RBSN: variants seen among roughly 807,000 people sequenced by gnomAD.
The protein encoded by RBSN is rabenosyn, RAB effector.
A neutral mutation model predicts 60.5 loss-of-function variants in RBSN; 34 were observed. That is an observed-to-expected ratio of 0.56 (90% confidence interval 0.43 to 0.75). The LOEUF (loss-of-function observed/expected upper bound fraction) is 0.75, where lower values mean the gene tolerates loss of function less well. Among genes scored for constraint, RBSN ranks in the 30% least tolerant of loss-of-function variants. The pLI, the probability that RBSN is intolerant of heterozygous loss-of-function variation, is 0.00. For synonymous variants in RBSN, 322 were observed against 366.9 expected, an observed-to-expected ratio of 0.88 and a Z score of 1.40; for missense variants, 845 against 986.8, an observed-to-expected ratio of 0.86 and a Z score of 1.92.
rs1163783902 is a variant in RBSN at position 15,096,044 on chromosome 3, A to T, written c.77T>A (p.Phe26Tyr). The stretch of plus-strand genomic sequence containing the variant: ...CTCGTAATGTGAGTGAAGCTGATAG[A>T]AAGACTGCAGATCCTTCAGGCACAG... Reference protein sequence around the residue: ...CPLCLKDLQSFYQLHSHYEEE... With the variant: ...CPLCLKDLQSYYQLHSHYEEE... The change falls in exon 4 of 14, where the codon TTC (phenylalanine) becomes TAC (tyrosine). Residue 26 changes from phenylalanine to tyrosine, a missense_variant. By Grantham distance (22) the Phe-to-Tyr change is conservative. Coordinates refer to ENST00000253699, the MANE Select transcript of RBSN (RefSeq NM_022340.4). The T allele has an allele frequency of 6.2e-7, 1 of 1,614,112 alleles. No individual in the cohort carries two copies. Among genetic ancestry groups the T allele is most frequent in the East Asian group, 2.2e-5 (1 of 44,878 alleles).
chr3:15,074,453 T>C lies in RBSN; in HGVS notation c.1684A>G (p.Ser562Gly). 1.9e-6 allele frequency: 3 copies of C among 1,614,200 alleles called. No homozygotes were observed. The highest frequency in any genetic ancestry group is 2.5e-6 in the Non-Finnish European group (3 of 1,180,014). ...REIGPFQLEP[S>G]REPRTHLAYA... ...GCAAGGTGGGTGCGAGGCTCTCTGCTGGGCTCCAGCTGAAAAGGGCCGATT... is the reference window on the plus strand; with the variant it reads ...GCAAGGTGGGTGCGAGGCTCTCTGCCGGGCTCCAGCTGAAAAGGGCCGATT... The change falls in exon 14 of 14, where the codon AGC (serine) becomes GGC (glycine). Residue 562 changes from serine (S) to glycine (G), a missense_variant. Ser to Gly is a moderately conservative substitution (Grantham distance 56). Coordinates refer to ENST00000253699, the MANE Select transcript of RBSN (RefSeq NM_022340.4). The surrounding 1 kb of genome is among the most constrained non-coding windows in gnomAD (Gnocchi z 6.4).
chr3:15,090,391 T>C lies in RBSN; in HGVS notation c.289+8A>G. 2 of 1,611,362 alleles carry C rather than the reference T, an allele frequency of 1.2e-6. No individual in the cohort carries two copies. Among genetic ancestry groups the C allele is most frequent in the Non-Finnish European group, 1.7e-6 (2 of 1,179,262 alleles). On this transcript the variant is annotated splice_region_variant and intron_variant, in intron 5 of 13. Transcript: ENST00000253699. ...CCACTTGCTGAATGAATAAATGAAT[T>C]TTCTTACCAAGCTCCTGGGGTTCCC...
At position 15,073,983 on chromosome 3, in the gene RBSN, G is replaced by A. The variant is rs561105733; in HGVS notation, c.2154C>T (p.Asn718=). The change falls in exon 14 of 14, where the codon AAC becomes AAT. Residue 718 remains asparagine, a synonymous_variant. Transcript: ENST00000253699. ...CACTGTCACTGTCCATCTCAAAGGG[G>A]TTGATACAGGTGGGTTCCTCAAAGG... ...GNPFEEPTCI[N]PFEMDSDSGP... 11 of 1,614,070 alleles carry A rather than the reference G, an allele frequency of 6.8e-6. No homozygotes were observed. Among genetic ancestry groups the A allele is most frequent in the Admixed American group, 3.3e-5 (2 of 60,012 alleles).
intron 4 of RBSN, chr3:15,091,578 C>T (rs2043517843): frequency 9.3e-7 from 1 of 1,076,972 alleles, no homozygotes; most frequent in African/African-American, 1.6e-5. Flanking sequence ...GTACCAGGTA[C>T]AACGCAAAGT....
At chr3:15,080,089 A>T (rs1319383901) in intron 10 of RBSN, among the ~76,000 whole-genome samples, 2 of 152,018 alleles carry the variant, frequency 1.3e-5, no homozygotes, top group African/African-American at 4.8e-5. Flanking sequence ...CTAAAAATAT[A>T]AAAAAATTAG....
Position 15,090,485 on chromosome 3 carries a change from T to C in RBSN, c.203A>G (p.Asp68Gly), listed in dbSNP as rs1167747777. 3 of 1,614,080 alleles carry C rather than the reference T, an allele frequency of 1.9e-6. No individual in the cohort carries two copies. The highest frequency in any genetic ancestry group is 1.7e-5 in the Admixed American group (1 of 59,998). ...TTGGGTCCCTGACTCTGCTCGATCA[T>C]CCCCTTCTCGTTTCAACAACCTGTC... Reference protein sequence around the residue: ...AKDRLLKREGDDRAESGTQGY... With the variant: ...AKDRLLKREGGDRAESGTQGY... The change falls in exon 5 of 14, where the codon GAT (aspartate) becomes GGT (glycine). Residue 68 changes from aspartate (D) to glycine (G), a missense_variant. Transcript: ENST00000253699.
intron 12 of RBSN, 75 bp from the exon 13 acceptor site, chr3:15,075,785 G>A: frequency 1.6e-6 from 2 of 1,218,800 alleles, no homozygotes; most frequent in Non-Finnish European, 2.4e-6. Flanking sequence ...CATGATGAGA[G>A]TCTGCTTAAG....
intron 8 of RBSN, among the ~76,000 whole-genome samples, chr3:15,083,163 C>T (rs1428947289): frequency 6.6e-6 from 1 of 152,146 alleles, no homozygotes; most frequent in African/African-American, 2.4e-5. Context: ...AGCAGGGCCA[C>T]CCCACAGCAG....
chr3:15,070,105 G>T lies in RBSN; in HGVS notation c.*3677C>A, dbSNP rs532502398. 6.6e-6 allele frequency: 1 copy of T among 152,404 alleles called. No individual in the cohort carries two copies. The highest frequency in any genetic ancestry group is 1.9e-4 in the East Asian group (1 of 5,184). 9.4% of individuals were successfully genotyped at this position (152,404 alleles called of 1,614,324 possible). ...TCAGATTTTATTTTTTTTAAAAAAG[G>T]CTCCAATACAAGGCCCCAGAGTAGT... On this transcript the variant is annotated 3_prime_UTR_variant, in exon 14 of 14. Transcript: ENST00000253699.
rs1265532350 is a variant in RBSN at position 15,077,673 on chromosome 3, A to C, written c.998+402T>G. Among the ~76,000 whole-genome samples, 1 of 152,198 alleles carries C rather than the reference A, an allele frequency of 6.6e-6. No individual in the cohort carries two copies. Among genetic ancestry groups the C allele is most frequent in the African/African-American group, 2.4e-5 (1 of 41,460 alleles). ...TTAAAAAGCAGCTGTGGACTTGAGC[A>C]CAGACACAAAGAAAGAACCTGAGTT... On this transcript the variant is annotated intron_variant, in intron 11 of 13. Coordinates refer to ENST00000253699, the MANE Select transcript of RBSN (RefSeq NM_022340.4). The surrounding 1 kb of genome is among the most constrained non-coding windows in gnomAD (Gnocchi z 4.4).
chr3:15,074,195 C>T lies in RBSN; in HGVS notation c.1942G>A (p.Gly648Arg), dbSNP rs1188335148. 1.2e-6 allele frequency: 2 copies of T among 1,610,746 alleles called. No homozygotes were observed. Among genetic ancestry groups the T allele is most frequent in the Non-Finnish European group, 1.7e-6 (2 of 1,178,104 alleles). ...EEATTGPPAA[G>R]VSLDPSARIL... ...CGGGCTGAAGGGTCTAAGGAAACCC[C>T]TGCAGCAGGAGGACCAGTAGTGGCC... is the stretch of plus-strand genomic sequence containing the variant. The change falls in exon 14 of 14, where the codon GGG (glycine) becomes AGG (arginine). Residue 648 changes from glycine to arginine, a missense_variant. Gly to Arg is a moderately radical substitution (Grantham distance 125). Coordinates refer to ENST00000253699, the MANE Select transcript of RBSN (RefSeq NM_022340.4). The surrounding 1 kb of genome is among the most constrained non-coding windows in gnomAD (Gnocchi z 6.4).
rs9851219 is a variant in RBSN, at chr3:15,074,216, T to C, written c.1921A>G (p.Thr641Ala). Residue 641 changes from threonine to alanine, a missense_variant, in exon 14 of 14, where the codon ACT becomes GCT. Coordinates refer to ENST00000253699, the MANE Select transcript of RBSN (RefSeq NM_022340.4). The surrounding 1 kb of genome is among the most constrained non-coding windows in gnomAD (Gnocchi z 6.4). ...EDLSSPMEEA[T>A]TGPPAAGVSL... is the part of the protein sequence containing the mutation. ...ACCCCTGCAGCAGGAGGACCAGTAG[T>C]GGCCTCTTCCATGGGGCTGGAGAGG... The C allele has an allele frequency of 0.052, 83,744 of 1,609,008 alleles. 2,571 individuals carry two copies. Among genetic ancestry groups the C allele is most frequent in the East Asian group, 0.1 (4,542 of 44,806 alleles).
chr3:15,086,043 T>A, intron 5 of RBSN, 82 bp from the exon 6 acceptor site: 1 of 1,041,420 alleles, frequency 9.6e-7, no homozygotes, highest in Non-Finnish European at 1.4e-6. Flanking sequence ...CTTATCCCAG[T>A]GAATTTCAAA....
At chr3:15,088,632 G>A (rs1055794144) in intron 5 of RBSN, among the ~76,000 whole-genome samples, 1 of 151,918 alleles carries the variant, frequency 6.6e-6, no homozygotes, top group African/African-American at 2.4e-5. Flanking sequence ...CAGCTGCCTC[G>A]ACCTCCCAAA....
Position 15,089,552 on chromosome 3 carries a change from G to A in RBSN, c.289+847C>T, listed in dbSNP as rs545423818. Among the ~76,000 whole-genome samples the A allele has an allele frequency of 7.7e-4, 113 of 147,234 alleles. 1 individual carries two copies. The highest frequency in any genetic ancestry group is 7.4e-3 in the Middle Eastern group (2 of 270). The stretch of plus-strand genomic sequence containing the variant: ...CTGGCATGATAAATAGCTTTATTGA[G>A]ATATAATTCACATACATACACCATT... On this transcript the variant is annotated intron_variant, in intron 5 of 13. Transcript: ENST00000253699.
At chr3:15,090,091 T>A (rs1291829810) in intron 5 of RBSN, among the ~76,000 whole-genome samples, 1 of 152,194 alleles carries the variant, frequency 6.6e-6, no homozygotes, top group Admixed American at 6.5e-5. Context: ...TGGGCTGACG[T>A]CAGAGAGATA....
At chr3:15,091,246 ATACCTC>A in intron 4 of RBSN, 27 of 445,542 alleles carry the variant, frequency 6.1e-5, no homozygotes, top group East Asian at 1.6e-4. Context: ...AATTAAAACT[ATACCTC>A]AGTTAAAATA....
intron 4 of RBSN, chr3:15,091,614 A>G: frequency 1.7e-6 from 1 of 579,252 alleles, no homozygotes; most frequent in Non-Finnish European, 2.5e-6. Flanking sequence ...ATGCCAGTTC[A>G]TGCTTACAAT....
chr3:15,075,304 A>C, intron 13 of RBSN: 1 of 622,334 alleles, frequency 1.6e-6, no homozygotes, highest in South Asian at 1.5e-5. Flanking sequence ...ATGTTCTACA[A>C]GGAACTTCCT....
Sources: gnomAD v4.1 joint callset for allele counts (sites outside exome capture counted in the v4.1 genomes callset) on GRCh38, gnomAD v4.1.1 for gene constraint, Gnocchi (gnomAD v3.1) non-coding constraint, MANE v1.5 for transcripts, NCBI Gene and HGNC (gene_info 2026-07-23, HGNC 2026-07-21) for gene names.